Variants in RBMS1 observed in about 807,000 individuals in gnomAD.
RBMS1 encodes RNA binding motif single stranded interacting protein 1.
In RBMS1, 17 loss-of-function variants were observed where a neutral mutation model predicts 62.3. The ratio of observed to expected loss-of-function variants is 0.27; its 90% CI spans 0.19 to 0.41. The LOEUF (loss-of-function observed/expected upper bound fraction) is 0.41. Among genes scored for constraint, RBMS1 ranks in the 10% least tolerant of loss-of-function variants. RBMS1 has a pLI of 1.00. For missense variants in RBMS1, 334 were observed against 504.5 expected, an observed-to-expected ratio of 0.66 and a Z score of 3.24; for synonymous variants, 172 against 170.0, an observed-to-expected ratio of 1.01 and a Z score of -0.09.
intron 1 of RBMS1, among the ~76,000 whole-genome samples, chr2:160,428,062 G>A (rs1415772071): frequency 2.0e-5 from 3 of 151,886 alleles, no homozygotes; most frequent in East Asian, 1.9e-4. Flanking sequence ...GGATGGCTAC[G>A]AGATGGCTAT....
At chr2:160,332,962 A>G (rs1159869570) in intron 2 of RBMS1, among the ~76,000 whole-genome samples, 1 of 151,758 alleles carries the variant, frequency 6.6e-6, no homozygotes, top group East Asian at 1.9e-4. Context: ...ATACACTCAT[A>G]TGTGCATATG....
intron 2 of RBMS1, among the ~76,000 whole-genome samples, chr2:160,322,017 T>C (rs1463908441): frequency 6.6e-6 from 1 of 152,226 alleles, no homozygotes; most frequent in African/African-American, 2.4e-5. Context: ...ACTAATCTCT[T>C]CAACTATTTA....
intron 4 of RBMS1, among the ~76,000 whole-genome samples, chr2:160,311,418 A>G (rs762035016): frequency 5.3e-5 from 8 of 151,852 alleles, no homozygotes; most frequent in Non-Finnish European, 1.0e-4. Flanking sequence ...CATTCAAAGT[A>G]CATCTCTACC....
intron 1 of RBMS1, among the ~76,000 whole-genome samples, chr2:160,474,250 G>A (rs1297918787): frequency 1.3e-5 from 2 of 152,118 alleles, no homozygotes; most frequent in East Asian, 1.9e-4. Context: ...TTCCTTCAGA[G>A]GTAAAATAAA....
At chr2:160,355,381 A>T (rs1197024217) in intron 2 of RBMS1, among the ~76,000 whole-genome samples, 4 of 152,112 alleles carry the variant, frequency 2.6e-5, no homozygotes, top group Non-Finnish European at 5.9e-5. Context: ...ACAGGCACTC[A>T]ATTTGCAGTT....
chr2:160,484,923 A>C (rs1350794208), intron 1 of RBMS1, among the ~76,000 whole-genome samples: 1 of 152,066 alleles, frequency 6.6e-6, no homozygotes, highest in Non-Finnish European at 1.5e-5. Flanking sequence ...AGGTAAAAAG[A>C]GAATTGGAAG....
chr2:160,390,617 G>C (rs1694810418), intron 1 of RBMS1, among the ~76,000 whole-genome samples: 1 of 147,704 alleles, frequency 6.8e-6, no homozygotes, highest in Non-Finnish European at 1.5e-5. Context: ...GACCGCTTAA[G>C]CCCAGGAGGT....
At chr2:160,357,842 G>A (rs987951042) in intron 2 of RBMS1, among the ~76,000 whole-genome samples, 6 of 152,134 alleles carry the variant, frequency 3.9e-5, no homozygotes, top group Non-Finnish European at 8.8e-5. Flanking sequence ...ATCGAAGAAA[G>A]TATACACAGA....
At chr2:160,380,440 C>A (rs989372728) in intron 1 of RBMS1, among the ~76,000 whole-genome samples, 1 of 151,950 alleles carries the variant, frequency 6.6e-6, no homozygotes, top group Non-Finnish European at 1.5e-5. Flanking sequence ...GACCTCAAAG[C>A]GAAGTAAACA....
rs1025230291 is a variant in RBMS1 at position 160,493,476 on chromosome 2, G to GGCT, written c.-116_-114dup. 40 of 873,154 alleles carry GGCT rather than the reference G, an allele frequency of 4.6e-5. No individual in the cohort carries two copies. Among genetic ancestry groups the GGCT allele is most frequent in the African/African-American group, 1.5e-4 (9 of 58,536 alleles). The allele number at this position is 873,154 out of a possible 1,614,324, so 54.1% of individuals were successfully genotyped here. A position where few individuals can be genotyped will look rare whatever the true frequency, so the allele number is the denominator to read the frequency against. ...CGGCGGCAGCGGCGGCGGCGGCGGC[G>GGCT]GCTGCTGCTGCTGCCGCTGCTCCAC... On this transcript the variant is annotated 5_prime_UTR_variant, in exon 1 of 14. Transcript: ENST00000348849.
intron 10 of RBMS1, 102 bp downstream of exon 10, chr2:160,281,208 AAAAT>A (rs1688087145): frequency 1.3e-6 from 1 of 793,268 alleles, no homozygotes; most frequent in Non-Finnish European, 1.9e-6. Flanking sequence ...TTCCATGTTT[AAAAT>A]TTCCCAAATC....
At chr2:160,298,666 G>A (rs939295394) in intron 6 of RBMS1, among the ~76,000 whole-genome samples, 16 of 152,114 alleles carry the variant, frequency 1.1e-4, no homozygotes, top group Non-Finnish European at 2.1e-4. Context: ...ACAGACACAG[G>A]ATAAAAAGAG....
chr2:160,487,621 G>A (rs1685649914), intron 1 of RBMS1, among the ~76,000 whole-genome samples: 2 of 152,186 alleles, frequency 1.3e-5, no homozygotes, highest in East Asian at 1.9e-4. Flanking sequence ...AGATATTATA[G>A]TGAATGTAGG....
intron 2 of RBMS1, among the ~76,000 whole-genome samples, chr2:160,364,812 T>G (rs1693310819): frequency 6.6e-6 from 1 of 152,218 alleles, no homozygotes; most frequent in African/African-American, 2.4e-5. Context: ...TAAATAATCC[T>G]CTAAAATATC....
At position 160,470,901 on chromosome 2, in the gene RBMS1, C is replaced by T. The variant is rs149037164; in HGVS notation, c.75+22388G>A. Among the ~76,000 whole-genome samples, 111 of 152,278 alleles carry T rather than the reference C, an allele frequency of 7.3e-4. 1 individual carries two copies. In the East Asian group the frequency reaches 0.014, roughly 19 times the overall value. On this transcript the variant is annotated intron_variant, in intron 1 of 13. Transcript: ENST00000348849. ...CTTCAGTTCCAAGAATGGTCTCTCTCGGACCCATGTCTTTTTATTTCAACA... is the reference window on the plus strand; with the variant it reads ...CTTCAGTTCCAAGAATGGTCTCTCTTGGACCCATGTCTTTTTATTTCAACA...
chr2:160,353,931 T>C (rs963134023), intron 2 of RBMS1, among the ~76,000 whole-genome samples: 1 of 152,078 alleles, frequency 6.6e-6, no homozygotes, highest in Admixed American at 6.6e-5. Flanking sequence ...GTTGCAGATA[T>C]TATGATTATC....
intron 1 of RBMS1, among the ~76,000 whole-genome samples, chr2:160,372,344 C>CA (rs945485363): frequency 6.6e-6 from 1 of 152,016 alleles, no homozygotes; most frequent in Non-Finnish European, 1.5e-5. Context: ...CCCCTACACC[C>CA]ACCACCACCA....
chr2:160,493,047 T>G, intron 1 of RBMS1: 2 of 463,178 alleles, frequency 4.3e-6, no homozygotes, highest in Non-Finnish European at 3.8e-6. Flanking sequence ...TGGTGGCTCT[T>G]TCCTGTCTAG....
intron 1 of RBMS1, among the ~76,000 whole-genome samples, chr2:160,454,667 G>T (rs574827138): frequency 6.6e-6 from 1 of 152,194 alleles, no homozygotes; most frequent in Non-Finnish European, 1.5e-5. Flanking sequence ...TGAAGAAGAG[G>T]AGTGGCGAGC....
Sources: allele counts gnomAD v4.1 joint callset (sites outside exome capture counted in the v4.1 genomes callset), GRCh38; gene constraint gnomAD v4.1.1; transcripts MANE v1.5; gene names NCBI Gene and HGNC (gene_info 2026-07-23, HGNC 2026-07-21).